The following EPHA5 variants were observed in gnomAD, a reference collection of about 807,000 sequenced individuals.
EPHA5 encodes the protein EPH receptor A5.
Under a neutral mutation model 105.0 loss-of-function variants are expected in EPHA5, and 60 were observed. The observed-to-expected ratio is 0.57, with a 90% CI of 0.46 to 0.71. EPHA5 has a LOEUF of 0.71. Among genes scored for constraint, EPHA5 ranks in the 30% least tolerant of loss-of-function variants. The pLI is 0.00. For missense variants in EPHA5, 1,218 were observed against 1,274.7 expected, an observed-to-expected ratio of 0.96 and a Z score of 0.68; for synonymous variants, 513 against 449.1, an observed-to-expected ratio of 1.14 and a Z score of -1.80.
chr4:65,474,429 A>G (rs1729598760), intron 5 of EPHA5, among the ~76,000 whole-genome samples: 1 of 152,180 alleles, frequency 6.6e-6, no homozygotes, highest in Non-Finnish European at 1.5e-5. Context: ...TGTTCATACC[A>G]CAAGTCTAGA....
intron 14 of EPHA5, among the ~76,000 whole-genome samples, chr4:65,338,858 A>G (rs28588472): frequency 0.19 from 28,211 of 152,056 alleles, 2,899 homozygotes; most frequent in South Asian, 0.25. Context: ...ACCAAAAATG[A>G]CCAAAGTGCA....
chr4:65,364,193 T>C (rs528168512), intron 11 of EPHA5, among the ~76,000 whole-genome samples: 98 of 151,736 alleles, frequency 6.5e-4, no homozygotes, highest in African/African-American at 2.0e-3. Context: ...TACATTCCTC[T>C]CTGAGCATGC....
At chr4:65,487,196 T>A (rs1730963187) in intron 5 of EPHA5, among the ~76,000 whole-genome samples, 1 of 152,204 alleles carries the variant, frequency 6.6e-6, no homozygotes, top group Non-Finnish European at 1.5e-5. Flanking sequence ...GGAAAAAGAC[T>A]AATACAAACA....
At chr4:65,411,196 T>C (rs1485714995) in intron 7 of EPHA5, among the ~76,000 whole-genome samples, 10 of 151,830 alleles carry the variant, frequency 6.6e-5, no homozygotes, top group Non-Finnish European at 1.2e-4. Flanking sequence ...TAATTGGAGA[T>C]TTTCTACCCA....
chr4:65,497,253 T>C (rs959539577), intron 3 of EPHA5, among the ~76,000 whole-genome samples: 4 of 152,176 alleles, frequency 2.6e-5, no homozygotes, highest in African/African-American at 9.7e-5. Context: ...CCAACTTTCA[T>C]ATTCTATAAA....
chr4:65,394,964 G>T (rs79319246), intron 8 of EPHA5, among the ~76,000 whole-genome samples: 4,218 of 152,162 alleles, frequency 0.028, 87 homozygotes, highest in Admixed American at 0.074. Context: ...AAACTATGAT[G>T]CTTTGATATC....
At chr4:65,594,212 TATC>T (rs1204739659) in intron 3 of EPHA5, among the ~76,000 whole-genome samples, 1 of 152,126 alleles carries the variant, frequency 6.6e-6, no homozygotes, top group Non-Finnish European at 1.5e-5. Flanking sequence ...TCCTGATAAT[TATC>T]ATGTTATAAA....
intron 3 of EPHA5, among the ~76,000 whole-genome samples, chr4:65,503,525 G>T (rs1395931107): frequency 3.3e-5 from 5 of 151,538 alleles, no homozygotes; most frequent in African/African-American, 7.3e-5. Flanking sequence ...ATAAGAAAAG[G>T]ACAGGAATAC....
chr4:65,590,940 CAA>C (rs1404240825), intron 3 of EPHA5, among the ~76,000 whole-genome samples: 1 of 151,956 alleles, frequency 6.6e-6, no homozygotes, highest in Non-Finnish European at 1.5e-5. Context: ...AAAAGTAAAA[CAA>C]AGAGTCTGAA....
chr4:65,530,362 A>G (rs556865079), intron 3 of EPHA5, among the ~76,000 whole-genome samples: 1 of 152,172 alleles, frequency 6.6e-6, no homozygotes, highest in East Asian at 1.9e-4. Context: ...TTAAAATCCA[A>G]TTGGCAGAAA....
At chr4:65,588,686 C>T (rs1274071519) in intron 3 of EPHA5, among the ~76,000 whole-genome samples, 1 of 152,116 alleles carries the variant, frequency 6.6e-6, no homozygotes, top group Non-Finnish European at 1.5e-5. Context: ...TAACAACATG[C>T]CTGGTTGGTC....
intron 3 of EPHA5, among the ~76,000 whole-genome samples, chr4:65,595,012 G>T (rs1447561563): frequency 6.6e-6 from 1 of 151,838 alleles, no homozygotes; most frequent in Non-Finnish European, 1.5e-5. Flanking sequence ...TGTAATTTTA[G>T]AAAGAAATGA....
chr4:65,412,326 A>G (rs1312142168), intron 7 of EPHA5, among the ~76,000 whole-genome samples: 1 of 152,188 alleles, frequency 6.6e-6, no homozygotes, highest in African/African-American at 2.4e-5. Flanking sequence ...TTTTGTCTGG[A>G]GAGAAGTTTC....
chr4:65,419,214 G>GTA (rs1723702527), intron 6 of EPHA5, among the ~76,000 whole-genome samples: 4 of 151,968 alleles, frequency 2.6e-5, no homozygotes, highest in African/African-American at 9.6e-5. Flanking sequence ...ATGTATATAT[G>GTA]TATATATATA....
At chr4:65,543,178 C>G (rs1267165593) in intron 3 of EPHA5, among the ~76,000 whole-genome samples, 1 of 152,046 alleles carries the variant, frequency 6.6e-6, no homozygotes, top group Non-Finnish European at 1.5e-5. Context: ...AGGATGCCCT[C>G]TCTCAAAACT....
At chr4:65,611,079 G>C (rs978154374) in intron 2 of EPHA5, among the ~76,000 whole-genome samples, 2 of 152,090 alleles carry the variant, frequency 1.3e-5, no homozygotes, top group African/African-American at 2.4e-5. Flanking sequence ...ATTTAAGATG[G>C]AGTACAAATT....
intron 3 of EPHA5, chr4:65,573,688 A>T (rs1161115873): frequency 6.9e-6 from 11 of 1,595,718 alleles, no homozygotes; most frequent in Non-Finnish European, 9.4e-6. Context: ...TCAGCCGCTA[A>T]ATCCAAGGTT....
intron 3 of EPHA5, among the ~76,000 whole-genome samples, chr4:65,575,626 C>T (rs1004298948): frequency 6.6e-6 from 1 of 152,034 alleles, no homozygotes; most frequent in Admixed American, 6.6e-5. Context: ...ATTAATAAGC[C>T]TAATAGCAAT....
At chr4:65,473,363 A>G (rs1334461038) in intron 5 of EPHA5, among the ~76,000 whole-genome samples, 1 of 152,102 alleles carries the variant, frequency 6.6e-6, no homozygotes, top group Non-Finnish European at 1.5e-5. Context: ...CCTTTATTAA[A>G]CCATTCTCAC....
Sources: gnomAD v4.1 joint callset for allele counts (sites outside exome capture counted in the v4.1 genomes callset) on GRCh38, gnomAD v4.1.1 for gene constraint, MANE v1.5 for transcripts, NCBI Gene and HGNC (gene_info 2026-07-23, HGNC 2026-07-21) for gene names.